The following PRKD1 variants were observed in gnomAD, a reference collection of about 807,000 sequenced individuals.
PRKD1 encodes the protein serine/threonine-protein kinase D1.
In PRKD1, 63 loss-of-function variants were observed where a neutral mutation model predicts 95.9. The observed-to-expected ratio is 0.66, with a 90% CI of 0.54 to 0.81. PRKD1 has a LOEUF of 0.81. Among genes scored for constraint, PRKD1 ranks in the 30% least tolerant of loss-of-function variants. The probability of loss-of-function intolerance (pLI) is 0.00; values close to 1 mark genes in which losing one functional copy is unlikely to be tolerated. For synonymous variants in PRKD1, 425 were observed against 423.1 expected (o/e 1.00, Z -0.05); for missense variants, 1,048 against 1,165.3 (o/e 0.90, Z 1.47).
chr14:29,699,411 T>G (rs1884711035), intron 2 of PRKD1, among the ~76,000 whole-genome samples: 1 of 152,210 alleles, frequency 6.6e-6, no homozygotes, highest in African/African-American at 2.4e-5. Context: ...TTGGCCATTT[T>G]TTTTCAATTG....
chr14:29,638,965 A>G lies in PRKD1; in HGVS notation c.697-61T>C, dbSNP rs530364188. 1,001 of 1,296,368 alleles carry G rather than the reference A, an allele frequency of 7.7e-4. 1 individual carries two copies. The highest frequency in any genetic ancestry group is 7.7e-4 in the Non-Finnish European group (714 of 924,000). The allele number at this position is 1,296,368 out of a possible 1,614,324, so 80.3% of individuals were successfully genotyped here. On this transcript the variant is annotated intron_variant, in intron 4 of 17. Coordinates refer to ENST00000331968, the MANE Select transcript of PRKD1 (RefSeq NM_002742.3). ...AAGAGGCTATTTGATTTATATATTT[A>G]TATATTTTAAGATACCGGTTTACTC... is the stretch of plus-strand genomic sequence containing the variant.
intron 13 of PRKD1, among the ~76,000 whole-genome samples, chr14:29,608,699 C>T (rs1878201143): frequency 6.6e-6 from 1 of 152,060 alleles, no homozygotes; most frequent in South Asian, 2.1e-4. Context: ...GACAGAGGTG[C>T]TTCTACTCTA....
chr14:29,720,419 A>G (rs969356965), intron 2 of PRKD1, among the ~76,000 whole-genome samples: 1 of 152,118 alleles, frequency 6.6e-6, no homozygotes, highest in Non-Finnish European at 1.5e-5. Flanking sequence ...AATGCATGTA[A>G]TATTATCACT....
chr14:29,899,582 G>A (rs572643376), intron 1 of PRKD1, among the ~76,000 whole-genome samples: 4 of 152,256 alleles, frequency 2.6e-5, no homozygotes, highest in Admixed American at 6.5e-5. Flanking sequence ...AGGAGGTGGC[G>A]GTTGCAGTGA....
At chr14:29,784,925 C>A (rs1281226714) in intron 1 of PRKD1, among the ~76,000 whole-genome samples, 1 of 152,196 alleles carries the variant, frequency 6.6e-6, no homozygotes, top group Non-Finnish European at 1.5e-5. Context: ...GACTTTAGGG[C>A]AGCTTCAACC....
chr14:29,927,091 G>A (rs1895329150), intron 1 of PRKD1, among the ~76,000 whole-genome samples, 158 bp downstream of exon 1: 1 of 151,952 alleles, frequency 6.6e-6, no homozygotes, highest in Admixed American at 6.5e-5. Flanking sequence ...CGGGTTGCAG[G>A]CGTCCAGCCG....
intron 13 of PRKD1, among the ~76,000 whole-genome samples, chr14:29,607,700 A>G (rs1439267076): frequency 2.0e-5 from 3 of 151,874 alleles, no homozygotes; most frequent in Non-Finnish European, 4.4e-5. Flanking sequence ...TGGAGAAGGT[A>G]CTGTGCTTTT....
chr14:29,642,973 T>C lies in PRKD1; in HGVS notation c.697-4069A>G, dbSNP rs1880888336. Reference sequence around the variant, plus strand: ...GAAATGCTTTGGAAAGTCTGTTTTGTTCTGCTTCATTAATATGTTCAGAGA... The same window carrying C: ...GAAATGCTTTGGAAAGTCTGTTTTGCTCTGCTTCATTAATATGTTCAGAGA... On this transcript the variant is annotated intron_variant, in intron 4 of 17. Transcript: ENST00000331968. Among the ~76,000 whole-genome samples the C allele has an allele frequency of 2.0e-5, 3 of 152,138 alleles. No individual in the cohort carries two copies. The South Asian group carries it at 6.2e-4, about 31-fold the overall frequency.
chr14:29,890,661 C>T (rs953262307), intron 1 of PRKD1, among the ~76,000 whole-genome samples: 6 of 151,936 alleles, frequency 3.9e-5, no homozygotes, highest in African/African-American at 1.2e-4. Flanking sequence ...TAATACATTC[C>T]AAGCATATTC....
At chr14:29,826,828 T>A (rs144551363) in intron 1 of PRKD1, among the ~76,000 whole-genome samples, 2 of 35,292 alleles carry the variant, frequency 5.7e-5, no homozygotes, top group African/African-American at 1.0e-4. Flanking sequence ...TATATATATA[T>A]ATATATATAT....
Position 29,638,921 on chromosome 14 carries a change from A to T in PRKD1, c.697-17T>A. 6.2e-7 allele frequency: 1 copy of T among 1,602,892 alleles called. No homozygotes were observed. On this transcript the variant is annotated splice_polypyrimidine_tract_variant and intron_variant, in intron 4 of 17. Coordinates refer to ENST00000331968, the MANE Select transcript of PRKD1 (RefSeq NM_002742.3). ...TGATTTTTGCTACATTTTGGAAAAC[A>T]ATAAAGGAAGCAAGATGTAAGAGGC... is the stretch of plus-strand genomic sequence containing the variant.
intron 1 of PRKD1, among the ~76,000 whole-genome samples, chr14:29,888,074 G>C (rs1441300757): frequency 1.3e-5 from 2 of 152,160 alleles, no homozygotes; most frequent in African/African-American, 4.8e-5. Context: ...GTTGAGGTAA[G>C]AGGATCACTT....
intron 1 of PRKD1, among the ~76,000 whole-genome samples, chr14:29,757,899 G>A (rs910995306): frequency 1.3e-5 from 2 of 151,862 alleles, no homozygotes; most frequent in African/African-American, 4.8e-5. Flanking sequence ...ATGTGTACCA[G>A]GAAATGACAG....
At chr14:29,902,525 G>T (rs1894352783) in intron 1 of PRKD1, among the ~76,000 whole-genome samples, 1 of 152,048 alleles carries the variant, frequency 6.6e-6, no homozygotes, top group African/African-American at 2.4e-5. Context: ...CTATTTTTTG[G>T]TTTTTTATTC....
intron 1 of PRKD1, among the ~76,000 whole-genome samples, chr14:29,832,528 T>C (rs1052543267): frequency 6.6e-6 from 1 of 152,212 alleles, no homozygotes; most frequent in African/African-American, 2.4e-5. Context: ...ACTGGTGGTA[T>C]AAAATTTATC....
intron 1 of PRKD1, among the ~76,000 whole-genome samples, chr14:29,760,101 G>A (rs1186223160): frequency 6.6e-6 from 1 of 152,118 alleles, no homozygotes; most frequent in Non-Finnish European, 1.5e-5. Context: ...TTTGTATGAT[G>A]GCAGTTTTCA....
Position 29,927,442 on chromosome 14 carries a change from G to A in PRKD1, c.71C>T (p.Ala24Val), listed in dbSNP as rs1300856881. 20 of 1,342,802 alleles carry A rather than the reference G, an allele frequency of 1.5e-5. No homozygotes were observed. The highest frequency in any genetic ancestry group is 1.9e-5 in the Non-Finnish European group (20 of 1,049,312). The allele number at this position is 1,342,802 out of a possible 1,614,324, so 83.2% of individuals were successfully genotyped here. The change falls in exon 1 of 18, where the codon GCC (alanine) becomes GTC (valine). Residue 24 changes from alanine (A) to valine (V), a missense_variant. By Grantham distance (64) the Ala-to-Val change is moderately conservative. Around this residue, in one of 3 missense-constraint regions of PRKD1, gnomAD observed 34 missense variants for 54.8 expected, o/e 0.62. Coordinates refer to ENST00000331968, the MANE Select transcript of PRKD1 (RefSeq NM_002742.3). ...CCCGGACCCTGGGACCAGTGCGGCG[G>A]CCGCTGCGGCAGCTGCCGCCGCCAC... is the stretch of plus-strand genomic sequence containing the variant. ...LPVAAAAAAA[A>V]AALVPGSGPG...
rs45554239 is a variant in PRKD1, at chr14:29,681,969, T to C, written c.404-15761A>G. Reference sequence around the variant, plus strand: ...AGCTTTCAAAATTGCTGAGTATAGATAGCAATTCTCAATTACACTACCAAT... The same window carrying C: ...AGCTTTCAAAATTGCTGAGTATAGACAGCAATTCTCAATTACACTACCAAT... On this transcript the variant is annotated intron_variant, in intron 2 of 17. Coordinates refer to ENST00000331968, the MANE Select transcript of PRKD1 (RefSeq NM_002742.3). Among the ~76,000 whole-genome samples, 471 of 152,298 alleles carry C rather than the reference T, an allele frequency of 3.1e-3. 3 individuals carry two copies. Among genetic ancestry groups the C allele is most frequent in the South Asian group, 0.031 (148 of 4,830 alleles).
intron 1 of PRKD1, among the ~76,000 whole-genome samples, chr14:29,835,513 T>C (rs1891578919): frequency 6.6e-6 from 1 of 152,226 alleles, no homozygotes; most frequent in Non-Finnish European, 1.5e-5. Context: ...ACCAGCCTCG[T>C]TGAAATCTGG....
Sources: gnomAD v4.1 joint callset for allele counts (sites outside exome capture counted in the v4.1 genomes callset) on GRCh38, gnomAD v4.1.1 for gene constraint, gnomAD v4.1.1 regional missense constraint, MANE v1.5 for transcripts, NCBI Gene and HGNC (gene_info 2026-07-23, HGNC 2026-07-21) for gene names.